Variants in CNOT6L observed in about 807,000 individuals in gnomAD.
The protein encoded by CNOT6L is CCR4-NOT transcription complex subunit 6-like.
A neutral mutation model predicts 64.0 loss-of-function variants in CNOT6L; 7 were observed. That is an observed-to-expected ratio of 0.11 (90% CI 0.06 to 0.21). The LOEUF is 0.21. Among genes scored for constraint, CNOT6L ranks in the 10% least tolerant of loss-of-function variants. The pLI is 1.00. For synonymous variants in CNOT6L, 193 were observed against 243.4 expected, an observed-to-expected ratio of 0.79 and a Z score of 1.93; for missense variants, 245 against 669.0, an observed-to-expected ratio of 0.37 and a Z score of 6.99.
At chr4:77,721,782 T>A (rs977641798) in intron 11 of CNOT6L, among the ~76,000 whole-genome samples, 1 of 151,884 alleles carries the variant, frequency 6.6e-6, no homozygotes, top group Non-Finnish European at 1.5e-5. Context: ...ACCAGCCTGG[T>A]AAACATAATG....
Position 77,747,040 on chromosome 4 carries a change from T to TA in CNOT6L, c.559+1275dup, listed in dbSNP as rs966835462. Among the ~76,000 whole-genome samples the TA allele has an allele frequency of 1.5e-3, 200 of 135,908 alleles. 2 individuals carry two copies. The highest frequency in any genetic ancestry group is 9.8e-3 in the South Asian group (42 of 4,306). 89.2% of individuals were successfully genotyped at this position (135,908 alleles called of 152,430 possible). Reference sequence around the variant, plus strand: ...CTATATATCCCACATTTCCAAATACTAAAAAAAAAAAAGACTTGTTCTGAA... The same window carrying TA: ...CTATATATCCCACATTTCCAAATACTAAAAAAAAAAAAAGACTTGTTCTGAA... On this transcript the variant is annotated intron_variant, in intron 6 of 11. Transcript: ENST00000504123.
chr4:77,790,704 C>CT (rs888912425), intron 1 of CNOT6L, among the ~76,000 whole-genome samples: 2 of 150,710 alleles, frequency 1.3e-5, no homozygotes, highest in Non-Finnish European at 3.0e-5. Flanking sequence ...ACTTTCCCCA[C>CT]TTTTTTTTTA....
At chr4:77,754,716 T>C (rs1725258587) in intron 5 of CNOT6L, among the ~76,000 whole-genome samples, 1 of 151,418 alleles carries the variant, frequency 6.6e-6, no homozygotes, top group African/African-American at 2.4e-5. Context: ...TAAAGACTCA[T>C]GGAAGAGAAT....
chr4:77,756,735 A>G, intron 5 of CNOT6L, 127 bp downstream of exon 5: 1 of 567,912 alleles, frequency 1.8e-6, no homozygotes, highest in Non-Finnish European at 3.1e-6. Context: ...AACGTAGGAT[A>G]TACAATGGAA....
chr4:77,716,908 G>A lies in CNOT6L; in HGVS notation c.*3523C>T, dbSNP rs1720802935. On this transcript the variant is annotated 3_prime_UTR_variant, in exon 12 of 12. Coordinates refer to ENST00000504123, the MANE Select transcript of CNOT6L (RefSeq NM_144571.3). The stretch of plus-strand genomic sequence containing the variant: ...GCTTGGAACAAGGCAAATGGGAGGG[G>A]AGGAAAAGCTGGTCTCAGAACCCAT... The A allele has an allele frequency of 6.6e-6, 1 of 152,508 alleles. No individual in the cohort carries two copies. The highest frequency in any genetic ancestry group is 1.5e-5 in the Non-Finnish European group (1 of 68,012). The allele number at this position is 152,508 out of a possible 1,614,324, so 9.4% of individuals were successfully genotyped here.
chr4:77,743,357 AAGT>A (rs1560583103), intron 7 of CNOT6L, among the ~76,000 whole-genome samples: 2 of 152,024 alleles, frequency 1.3e-5, no homozygotes, highest in Non-Finnish European at 2.9e-5. Flanking sequence ...CTAAACCAAG[AAGT>A]AGACAAGAAA....
At chr4:77,766,595 A>C (rs1003697294) in intron 4 of CNOT6L, among the ~76,000 whole-genome samples, 9 of 151,882 alleles carry the variant, frequency 5.9e-5, no homozygotes, top group Non-Finnish European at 1.3e-4. Flanking sequence ...TGCATGTAAA[A>C]CTCCAAAAAA....
chr4:77,724,227 G>A (rs1312570949), intron 11 of CNOT6L, among the ~76,000 whole-genome samples: 1 of 152,032 alleles, frequency 6.6e-6, no homozygotes, highest in Non-Finnish European at 1.5e-5. Flanking sequence ...GCACACACCT[G>A]TAGTCCCAGC....
chr4:77,809,213 A>C (rs1020914255), intron 1 of CNOT6L, among the ~76,000 whole-genome samples: 4 of 152,162 alleles, frequency 2.6e-5, no homozygotes, highest in Non-Finnish European at 4.4e-5. Context: ...CAGAATGAGA[A>C]TCATACTGCC....
chr4:77,722,724 T>C (rs138310930), intron 11 of CNOT6L, among the ~76,000 whole-genome samples: 29 of 152,326 alleles, frequency 1.9e-4, no homozygotes, highest in African/African-American at 5.1e-4. Context: ...AAAACTCTTA[T>C]CAAAACTCTC....
At chr4:77,797,580 G>A (rs889924823) in intron 1 of CNOT6L, among the ~76,000 whole-genome samples, 1 of 152,198 alleles carries the variant, frequency 6.6e-6, no homozygotes, top group Admixed American at 6.5e-5. Context: ...CAAAGCACAA[G>A]AGTAGTGATG....
intron 3 of CNOT6L, 131 bp downstream of exon 3, chr4:77,774,399 A>G: frequency 1.5e-6 from 1 of 682,290 alleles, no homozygotes; most frequent in Non-Finnish European, 2.3e-6. Context: ...CAACTCAAGC[A>G]CTATGCTTAG....
At position 77,812,232 on chromosome 4, in the gene CNOT6L, C is replaced by T. The variant is rs147064111; in HGVS notation, c.5+7072G>A. On this transcript the variant is annotated intron_variant, in intron 1 of 11. Transcript: ENST00000504123. ...GGCTGAGGCAGGTGGATCACGAGGT[C>T]GGCAAGACCAGCCTGGCCAACACAG... Among the ~76,000 whole-genome samples the T allele has an allele frequency of 4.3e-3, 657 of 151,844 alleles. 7 individuals carry two copies. Among genetic ancestry groups the T allele is most frequent in the African/African-American group, 0.015 (626 of 41,380 alleles).
At chr4:77,771,414 T>C (rs747256145) in intron 4 of CNOT6L, among the ~76,000 whole-genome samples, 26 of 152,248 alleles carry the variant, frequency 1.7e-4, no homozygotes, top group Admixed American at 5.9e-4. Context: ...TAGTGAGGAA[T>C]AGACTTGCAC....
At chr4:77,737,804 T>A (rs183101249) in intron 8 of CNOT6L, among the ~76,000 whole-genome samples, 82 of 152,288 alleles carry the variant, frequency 5.4e-4, no homozygotes, top group African/African-American at 1.9e-3. Flanking sequence ...AGTTATTATC[T>A]ATATTCGAAA....
At chr4:77,728,785 A>G in intron 10 of CNOT6L, 69 bp downstream of exon 10, 3 of 1,195,510 alleles carry the variant, frequency 2.5e-6, no homozygotes, top group Non-Finnish European at 3.7e-6. Flanking sequence ...AAAATTTAGG[A>G]GCTAGCTGGC....
chr4:77,715,073 G>A lies in CNOT6L; in HGVS notation c.*5358C>T, dbSNP rs573160490. On this transcript the variant is annotated 3_prime_UTR_variant, in exon 12 of 12. Coordinates refer to ENST00000504123, the MANE Select transcript of CNOT6L (RefSeq NM_144571.3). The stretch of plus-strand genomic sequence containing the variant: ...AAATGAGCAAGAAAGGACCACTTCT[G>A]AGAGGGTTACCATGATTCTTACGCT... 6.6e-6 allele frequency: 1 copy of A among 152,236 alleles called. No individual in the cohort carries two copies. The highest frequency in any genetic ancestry group is 1.9e-4 in the East Asian group (1 of 5,188). 9.4% of individuals were successfully genotyped at this position (152,236 alleles called of 1,614,324 possible). A position where few individuals can be genotyped will look rare whatever the true frequency, so the allele number is the denominator to read the frequency against.
At chr4:77,783,774 A>G (rs1362027242) in intron 1 of CNOT6L, among the ~76,000 whole-genome samples, 1 of 152,032 alleles carries the variant, frequency 6.6e-6, no homozygotes, top group Non-Finnish European at 1.5e-5. Context: ...TCTTTTCTAC[A>G]ATCCTTGCTA....
At chr4:77,790,286 C>T (rs1352912300) in intron 1 of CNOT6L, among the ~76,000 whole-genome samples, 1 of 152,076 alleles carries the variant, frequency 6.6e-6, no homozygotes, top group African/African-American at 2.4e-5. Context: ...CTGGATGTAC[C>T]ACAGTTTATT....
Sources: allele counts gnomAD v4.1 joint callset (sites outside exome capture counted in the v4.1 genomes callset), GRCh38; gene constraint gnomAD v4.1.1; transcripts MANE v1.5; gene names NCBI Gene and HGNC (gene_info 2026-07-23, HGNC 2026-07-21).